The following DNMT3B variants were observed in gnomAD, a reference collection of about 807,000 sequenced individuals.
DNMT3B encodes DNA (cytosine-5)-methyltransferase 3B.
DNMT3B carries 37 observed loss-of-function variants against 120.2 expected under a neutral mutation model. The ratio of observed to expected loss-of-function variants is 0.31; its 90% CI spans 0.24 to 0.40. The LOEUF (loss-of-function observed/expected upper bound fraction) is 0.40. DNMT3B is among the 10% of genes least tolerant of loss of function. DNMT3B has a pLI of 1.00. For missense variants in DNMT3B, 878 were observed against 1,137.3 expected, an observed-to-expected ratio of 0.77 and a Z score of 3.28; for synonymous variants, 412 against 442.8, an observed-to-expected ratio of 0.93 and a Z score of 0.87.
intron 1 of DNMT3B, among the ~76,000 whole-genome samples, chr20:32,763,358 C>T (rs542950096): frequency 1.3e-4 from 20 of 152,296 alleles, no homozygotes; most frequent in African/African-American, 4.6e-4. Flanking sequence ...TGAGCTGAGC[C>T]ATCAAGCGCG....
At chr20:32,778,351 G>A (rs1392431661) in intron 1 of DNMT3B, among the ~76,000 whole-genome samples, 1 of 136,070 alleles carries the variant, frequency 7.3e-6, no homozygotes, top group Non-Finnish European at 1.5e-5. Context: ...GGCGACAGAG[G>A]GAGACTCTGT....
rs548707331 is a variant in DNMT3B, at chr20:32,765,757, T to C, written c.-7+3058T>C. 7.3e-5 allele frequency among the ~76,000 whole-genome samples: 5 copies of C among 68,284 alleles called. 1 individual carries two copies. Among genetic ancestry groups the C allele is most frequent in the South Asian group, 1.1e-3 (2 of 1,824 alleles). The allele number at this position is 68,284 out of a possible 152,430, so 44.8% of individuals were successfully genotyped here. On this transcript the variant is annotated intron_variant, in intron 1 of 22. Coordinates refer to ENST00000328111, the MANE Select transcript of DNMT3B (RefSeq NM_006892.4). ...TTTATTTATTTATTTTTTCTTTTTT[T>C]CTTTTTTTTTTTTTTTGAGACGGAG...
Position 32,799,295 on chromosome 20 carries a change from C to T in DNMT3B, c.1726C>T (p.Arg576Ter), listed in dbSNP as rs1226308460. ...TCCCGCAGCCCGAAGGCGGCCCATT[C>T]GAGTCCTGTCATTGTTTGATGGCAT... ...AIPAARRRPI[R>*]VLSLFDGIAT... Residue 576 changes from arginine (R) to a stop codon, truncating the protein, a stop_gained, in exon 16 of 23, where the codon CGA becomes TGA. Transcript: ENST00000328111. LOFTEE classifies it high-confidence loss of function. 2 of 1,613,396 alleles carry T rather than the reference C, an allele frequency of 1.2e-6. No individual in the cohort carries two copies. The highest frequency in any genetic ancestry group is 1.7e-6 in the Non-Finnish European group (2 of 1,179,820).
intron 19 of DNMT3B, 78 bp from the exon 20 acceptor site, chr20:32,802,307 C>G: frequency 6.9e-7 from 1 of 1,457,094 alleles, no homozygotes; most frequent in Non-Finnish European, 9.6e-7. Flanking sequence ...AGGGAATAGC[C>G]CTGTCACCTG....
chr20:32,787,771 A>G (rs1288647652), intron 6 of DNMT3B, among the ~76,000 whole-genome samples: 1 of 152,168 alleles, frequency 6.6e-6, no homozygotes, highest in African/African-American at 2.4e-5. Context: ...ACCACCAAAC[A>G]GGCTTTGTGT....
intron 1 of DNMT3B, among the ~76,000 whole-genome samples, chr20:32,777,741 T>C (rs532401180): frequency 6.6e-6 from 1 of 152,188 alleles, no homozygotes; most frequent in Non-Finnish European, 1.5e-5. Context: ...CCGCAGCAGC[T>C]TTCCTGGGAT....
intron 1 of DNMT3B, among the ~76,000 whole-genome samples, chr20:32,770,380 C>A (rs1167999177): frequency 6.6e-6 from 1 of 152,122 alleles, no homozygotes; most frequent in Non-Finnish European, 1.5e-5. Flanking sequence ...CCTCTGCCTC[C>A]CAGGTTCAAG....
At chr20:32,773,612 CTTTTT>C (rs11356349) in intron 1 of DNMT3B, among the ~76,000 whole-genome samples, 1 of 138,830 alleles carries the variant, frequency 7.2e-6, no homozygotes, top group Admixed American at 7.2e-5. Context: ...AAATATTGGG[CTTTTT>C]TTTTTTTTTT....
chr20:32,800,477 T>G (rs532291232), intron 17 of DNMT3B, among the ~76,000 whole-genome samples, 179 bp downstream of exon 17: 1 of 152,182 alleles, frequency 6.6e-6, no homozygotes, highest in East Asian at 1.9e-4. Context: ...CAAGCAAGAT[T>G]CTATTTTTTT....
chr20:32,787,820 G>A (rs542752089), intron 6 of DNMT3B, among the ~76,000 whole-genome samples: 1 of 152,276 alleles, frequency 6.6e-6, no homozygotes, highest in Admixed American at 6.5e-5. Flanking sequence ...GTGCAGGTGG[G>A]CTGAGTCCAA....
intron 1 of DNMT3B, chr20:32,780,098 T>C: frequency 6.2e-7 from 1 of 1,612,874 alleles, no homozygotes; most frequent in Non-Finnish European, 8.5e-7. Context: ...GTCTGAGCCT[T>C]CGGGACAGCC....
Position 32,800,250 on chromosome 20 carries a change from G to A in DNMT3B, c.1857G>A (p.Glu619=). ...ESIAVGTVKH[E]GNIKYVNDVR... ...TTGCTGTTGGAACCGTGAAGCACGA[G>A]GGGAATATCAAATACGTGAACGACG... is the stretch of plus-strand genomic sequence containing the variant. The change falls in exon 17 of 23, where the codon GAG becomes GAA. Residue 619 remains glutamate, a synonymous_variant. Coordinates refer to ENST00000328111, the MANE Select transcript of DNMT3B (RefSeq NM_006892.4). 6.2e-7 allele frequency: 1 copy of A among 1,614,194 alleles called. No individual in the cohort carries two copies. The highest frequency in any genetic ancestry group is 8.5e-7 in the Non-Finnish European group (1 of 1,180,028).
At position 32,777,212 on chromosome 20, in the gene DNMT3B, A is replaced by G. The variant is rs575843772; in HGVS notation, c.-6-3106A>G. Among the ~76,000 whole-genome samples, 25 of 152,300 alleles carry G rather than the reference A, an allele frequency of 1.6e-4. No homozygotes were observed. In the South Asian group the frequency reaches 4.6e-3, roughly 28 times the overall value. On this transcript the variant is annotated intron_variant, in intron 1 of 22. Coordinates refer to ENST00000328111, the MANE Select transcript of DNMT3B (RefSeq NM_006892.4). The stretch of plus-strand genomic sequence containing the variant: ...GGTTTTCTTCCTGGACTGTCTCTCC[A>G]GTACCCACAGGTCTTGTTCTAGGGG...
At chr20:32,801,849 G>T (rs1232750161) in intron 19 of DNMT3B, among the ~76,000 whole-genome samples, 3 of 152,130 alleles carry the variant, frequency 2.0e-5, no homozygotes, top group Non-Finnish European at 2.9e-5. Flanking sequence ...AACGTGTTGG[G>T]ATTGGAGATA....
chr20:32,804,076 T>C (rs1981684536), intron 20 of DNMT3B, among the ~76,000 whole-genome samples: 1 of 152,166 alleles, frequency 6.6e-6, no homozygotes, highest in Non-Finnish European at 1.5e-5. Context: ...ACAGCAATCC[T>C]GTGACTTAGC....
intron 3 of DNMT3B, among the ~76,000 whole-genome samples, chr20:32,783,694 A>T (rs934639047): frequency 2.6e-5 from 4 of 151,896 alleles, no homozygotes; most frequent in African/African-American, 9.7e-5. Context: ...CAGAAACAGT[A>T]ATGAAATCTC....
intron 8 of DNMT3B, among the ~76,000 whole-genome samples, chr20:32,792,120 T>A (rs1280508323): frequency 6.6e-6 from 1 of 152,118 alleles, no homozygotes; most frequent in Non-Finnish European, 1.5e-5. Flanking sequence ...CACCTTGATT[T>A]TTTCCCCCCA....
intron 1 of DNMT3B, among the ~76,000 whole-genome samples, chr20:32,776,353 C>G (rs1028350262): frequency 2.0e-5 from 3 of 152,062 alleles, no homozygotes; most frequent in African/African-American, 7.2e-5. Context: ...CTAAATCCAG[C>G]ATGTCTGCCA....
intron 1 of DNMT3B, among the ~76,000 whole-genome samples, chr20:32,773,852 G>A (rs760812584): frequency 6.7e-6 from 1 of 149,410 alleles, no homozygotes; most frequent in Non-Finnish European, 1.5e-5. Flanking sequence ...CCAGGCTGGC[G>A]TTGAACTCCT....
Sources: gnomAD v4.1 joint callset for allele counts (sites outside exome capture counted in the v4.1 genomes callset) on GRCh38, gnomAD v4.1.1 for gene constraint, MANE v1.5 for transcripts, NCBI Gene and HGNC (gene_info 2026-07-23, HGNC 2026-07-21) for gene names.